The following CPOX variants were observed in gnomAD, a reference collection of about 807,000 sequenced individuals.
CPOX encodes oxygen-dependent coproporphyrinogen-III oxidase, mitochondrial.
CPOX carries 24 observed loss-of-function variants against 48.9 expected under a neutral mutation model. The observed-to-expected ratio is 0.49, with a 90% CI of 0.36 to 0.69. The LOEUF (loss-of-function observed/expected upper bound fraction) is 0.69, where lower values mean the gene tolerates loss of function less well. Ranked by LOEUF, CPOX falls within the 30% of genes least tolerant of loss-of-function variation. CPOX has a pLI of 0.00. For synonymous variants in CPOX, 249 were observed against 234.6 expected, an observed-to-expected ratio of 1.06 and a Z score of -0.56; for missense variants, 549 against 597.3, an observed-to-expected ratio of 0.92 and a Z score of 0.84.
At chr3:98,584,711 T>C (rs1012507654) in intron 5 of CPOX, among the ~76,000 whole-genome samples, 3 of 151,974 alleles carry the variant, frequency 2.0e-5, no homozygotes, top group African/African-American at 7.3e-5. Context: ...TAACTTGGAG[T>C]GGATTTACAA....
In CPOX at chr3:98,593,392, C is replaced by G; in HGVS notation, c.113G>C (p.Trp38Ser). Residue 38 changes from tryptophan (W) to serine (S), a missense_variant, in exon 1 of 7, where the codon TGG becomes TCG. By Grantham distance (177) the Trp-to-Ser change is radical. Transcript: ENST00000647941. The part of the protein sequence containing the change: ...SQCGGGGLRA[W>S]SQRSAAGRVC... ...GCGTCCGGCTGCGCTGCGCTGGGAC[C>G]AGGCTCGGAGCCCTCCGCCGCCGCA... 3 of 1,395,032 alleles carry G rather than the reference C, an allele frequency of 2.2e-6. No individual in the cohort carries two copies. The highest frequency in any genetic ancestry group is 1.6e-5 in the South Asian group (1 of 62,176). The allele number at this position is 1,395,032 out of a possible 1,614,324, so 86.4% of individuals were successfully genotyped here.
rs777928075 is a variant in CPOX at position 98,580,801 on chromosome 3, G to A, written c.1278-31C>T. ...CATGTCCAAAACAAAAGCAAAAAACGTCATAAAAAATGACACACATACCTC... is the reference window on the plus strand; with the variant it reads ...CATGTCCAAAACAAAAGCAAAAAACATCATAAAAAATGACACACATACCTC... On this transcript the variant is annotated intron_variant, in intron 6 of 6. Transcript: ENST00000647941. The A allele has an allele frequency of 1.4e-5, 22 of 1,609,382 alleles. No individual in the cohort carries two copies. The Middle Eastern group carries it at 5.0e-4, about 36-fold the overall frequency.
At chr3:98,572,383 T>G in the CPOX span, among the ~76,000 whole-genome samples, 1 of 152,216 alleles carries the variant, frequency 6.6e-6, no homozygotes, top group Non-Finnish European at 1.5e-5. Flanking sequence ...CTATCATTTT[T>G]TACTTTCTGA....
intron 1 of CPOX, among the ~76,000 whole-genome samples, chr3:98,592,523 T>C (rs752003234): frequency 3.3e-5 from 5 of 152,054 alleles, no homozygotes; most frequent in African/African-American, 4.8e-5. Flanking sequence ...AGCCGACACT[T>C]AGCGCACAGG....
Position 98,580,410 on chromosome 3 carries a change from C to T in CPOX, c.*273G>A, listed in dbSNP as rs1707234221. ...CTATTTATATTCCCTTATCTCAATA[C>T]TTGGAAACTCAATGTCCTATTTTGT... On this transcript the variant is annotated 3_prime_UTR_variant, in exon 7 of 7. Transcript: ENST00000647941. 3 of 1,250,230 alleles carry T rather than the reference C, an allele frequency of 2.4e-6. No homozygotes were observed. The highest frequency in any genetic ancestry group is 1.8e-5 in the South Asian group (1 of 54,962). The allele number at this position is 1,250,230 out of a possible 1,614,324, so 77.4% of individuals were successfully genotyped here. A position where few individuals can be genotyped will look rare whatever the true frequency, so the allele number is the denominator to read the frequency against.
At chr3:98,573,081 T>G in the CPOX span, among the ~76,000 whole-genome samples, 1 of 152,226 alleles carries the variant, frequency 6.6e-6, no homozygotes, top group Non-Finnish European at 1.5e-5. Context: ...TACACACATT[T>G]AGATGAATAG....
chr3:98,575,138 C>G (rs112819485), downstream of CPOX, among the ~76,000 whole-genome samples: 292 of 152,290 alleles, frequency 1.9e-3, no homozygotes, highest in African/African-American at 6.7e-3. Context: ...TATTCACTTG[C>G]TATTACATAA....
intron 5 of CPOX, 91 bp from the exon 6 acceptor site, chr3:98,581,602 T>TC (rs1707260566): frequency 2.1e-6 from 2 of 957,288 alleles, no homozygotes; most frequent in East Asian, 2.6e-5. Flanking sequence ...GGTGGGTTCT[T>TC]CCCCCCAGTT....
chr3:98,583,971 A>G (rs1209944116), intron 5 of CPOX, among the ~76,000 whole-genome samples: 2 of 152,170 alleles, frequency 1.3e-5, no homozygotes, highest in Non-Finnish European at 2.9e-5. Context: ...AAATTAATCT[A>G]CTACCCCACA....
intron 5 of CPOX, among the ~76,000 whole-genome samples, chr3:98,581,870 G>C (rs942955552): frequency 2.0e-5 from 3 of 152,110 alleles, no homozygotes; most frequent in Non-Finnish European, 4.4e-5. Context: ...GCTCTTTCTG[G>C]CCTTCCTCAT....
the CPOX span, among the ~76,000 whole-genome samples, chr3:98,571,725 T>C: frequency 6.6e-6 from 1 of 151,742 alleles, no homozygotes; most frequent in African/African-American, 2.4e-5. Context: ...GAAAACGCTG[T>C]ATTAGTTATG....
At chr3:98,575,824 T>C (rs1057314808), downstream of CPOX, among the ~76,000 whole-genome samples, 4 of 151,214 alleles carry the variant, frequency 2.6e-5, no homozygotes, top group Non-Finnish European at 5.9e-5. Context: ...TCCCAGCACT[T>C]TGGGAGGCCG....
rs773162668 is a variant in CPOX, at chr3:98,593,097, G to A, written c.408C>T (p.Thr136=). ...RCSSFMAPPV[T]DLGELRRRPG... ...GCCTCCTTCGCAGCTCGCCCAGGTCGGTCACAGGCGGGGCCATGAAGCTGC... is the reference window on the plus strand; with the variant it reads ...GCCTCCTTCGCAGCTCGCCCAGGTCAGTCACAGGCGGGGCCATGAAGCTGC... The change falls in exon 1 of 7, where the codon ACC becomes ACT. Residue 136 remains threonine (T), a synonymous_variant. Transcript: ENST00000647941. 1 of 1,613,816 alleles carries A rather than the reference G, an allele frequency of 6.2e-7. No individual in the cohort carries two copies. The highest frequency in any genetic ancestry group is 1.7e-5 in the Admixed American group (1 of 60,006).
In CPOX at chr3:98,593,436, C is replaced by A; in HGVS notation, c.69G>T (p.Gly23=). 1.3e-6 allele frequency: 2 copies of A among 1,485,196 alleles called. No individual in the cohort carries two copies. Among genetic ancestry groups the A allele is most frequent in the South Asian group, 2.5e-5 (2 of 79,046 alleles). 92.0% of individuals were successfully genotyped at this position (1,485,196 alleles called of 1,614,324 possible). A position where few individuals can be genotyped will look rare whatever the true frequency, so the allele number is the denominator to read the frequency against. The part of the protein sequence containing the change: ...CWLVARGGCG[G]PRAWSQCGGG... ...CGCCGCACTGGGACCAGGCGCGGGG[C>A]CCTCCGCAGCCGCCCCGCGCCACGA... Residue 23 remains glycine, a synonymous_variant, in exon 1 of 7, where the codon GGG becomes GGT. Transcript: ENST00000647941.
chr3:98,580,040 A>G lies in CPOX; in HGVS notation c.*643T>C, dbSNP rs1430244312. ...ATTACAACTTAGACATCTCTAAAAT[A>G]ATAGTAATGTCACTTTAGAGTTTAC... On this transcript the variant is annotated 3_prime_UTR_variant, in exon 7 of 7. Transcript: ENST00000647941. The G allele has an allele frequency of 1.0e-6, 1 of 982,330 alleles. No homozygotes were observed. Among genetic ancestry groups the G allele is most frequent in the Non-Finnish European group, 1.2e-6 (1 of 826,774 alleles). The allele number at this position is 982,330 out of a possible 1,614,324, so 60.9% of individuals were successfully genotyped here.
chr3:98,592,576 T>C (rs1707500838), intron 1 of CPOX, among the ~76,000 whole-genome samples: 1 of 152,036 alleles, frequency 6.6e-6, no homozygotes. Flanking sequence ...AAGGGCAAAT[T>C]CACCCAGAGA....
intron 4 of CPOX, among the ~76,000 whole-genome samples, chr3:98,587,511 G>C (rs1211783379): frequency 6.7e-6 from 1 of 148,960 alleles, no homozygotes; most frequent in African/African-American, 2.5e-5. Context: ...GGTCTCTGCA[G>C]AGTCCTGAGG....
chr3:98,571,441 C>A, the CPOX span, among the ~76,000 whole-genome samples: 1 of 151,954 alleles, frequency 6.6e-6, no homozygotes, highest in Non-Finnish European at 1.5e-5. Flanking sequence ...GTAATCCCAG[C>A]ACTTTGGGAG....
the CPOX span, among the ~76,000 whole-genome samples, chr3:98,574,440 A>G: frequency 1.3e-5 from 2 of 152,192 alleles, no homozygotes; most frequent in African/African-American, 4.8e-5. Context: ...CAGAGAGGTA[A>G]AGATGAAAGT....
Sources: allele counts gnomAD v4.1 joint callset (sites outside exome capture counted in the v4.1 genomes callset), GRCh38; gene constraint gnomAD v4.1.1; transcripts MANE v1.5; gene names NCBI Gene and HGNC (gene_info 2026-07-23, HGNC 2026-07-21).